RORA: variants seen among roughly 807,000 people sequenced by gnomAD.
RORA encodes RAR related orphan receptor A, also known as nuclear receptor ROR-alpha.
In RORA, 7 loss-of-function variants were observed where a neutral mutation model predicts 69.5. The ratio of observed to expected loss-of-function variants is 0.10; its 90% confidence interval spans 0.06 to 0.19. The LOEUF is 0.19. Among genes scored for constraint, RORA ranks in the 10% least tolerant of loss-of-function variants. The probability of loss-of-function intolerance (pLI) is 1.00; values close to 1 mark genes in which losing one functional copy is unlikely to be tolerated. For missense variants in RORA, 457 were observed against 663.0 expected (o/e 0.69, Z 3.41); for synonymous variants, 261 against 240.8 (o/e 1.08, Z -0.78).
chr15:60,869,581 A>C (rs1196914129), intron 1 of RORA, among the ~76,000 whole-genome samples: 1 of 152,172 alleles, frequency 6.6e-6, no homozygotes, highest in Non-Finnish European at 1.5e-5. Flanking sequence ...GGCAGGTCTG[A>C]TGGCACACAA....
At chr15:60,514,460 T>C (rs1447557003) in intron 4 of RORA, among the ~76,000 whole-genome samples, 156 bp downstream of exon 4, 3 of 151,948 alleles carry the variant, frequency 2.0e-5, no homozygotes, top group Non-Finnish European at 4.4e-5. Flanking sequence ...CTGCTGTGAG[T>C]TCCATGTAGC....
At chr15:61,149,658 GCCAGGAGCT>G (rs1224120830) in intron 1 of RORA, among the ~76,000 whole-genome samples, 1 of 152,142 alleles carries the variant, frequency 6.6e-6, no homozygotes, top group African/African-American at 2.4e-5. Context: ...ATGAACTCCA[GCCAGGAGCT>G]CCAGGTAGCC....
At chr15:60,708,516 GC>G (rs1366068956) in intron 1 of RORA, among the ~76,000 whole-genome samples, 3 of 152,082 alleles carry the variant, frequency 2.0e-5, no homozygotes, top group Non-Finnish European at 4.4e-5. Flanking sequence ...GTCATTTTAT[GC>G]CTGTATGTGT....
intron 1 of RORA, among the ~76,000 whole-genome samples, chr15:61,217,358 A>C (rs2080049756): frequency 6.6e-6 from 1 of 152,172 alleles, no homozygotes; most frequent in African/African-American, 2.4e-5. Flanking sequence ...CTGCTGTAAC[A>C]AACAGGAGTC....
intron 1 of RORA, among the ~76,000 whole-genome samples, chr15:61,048,135 T>G (rs887647203): frequency 1.3e-5 from 2 of 152,236 alleles, no homozygotes; most frequent in Non-Finnish European, 2.9e-5. Flanking sequence ...TCACTATCCT[T>G]CATACTTCTT....
intron 1 of RORA, among the ~76,000 whole-genome samples, chr15:60,928,176 G>A (rs1892271816): frequency 6.6e-6 from 1 of 152,096 alleles, no homozygotes; most frequent in South Asian, 2.1e-4. Flanking sequence ...ATAGACTCCA[G>A]GACAAAATTC....
At chr15:60,958,271 G>A (rs571477114) in intron 1 of RORA, among the ~76,000 whole-genome samples, 70 of 152,270 alleles carry the variant, frequency 4.6e-4, no homozygotes, top group African/African-American at 1.4e-3. Flanking sequence ...GAGCCTTTGC[G>A]TGCATGGAGC....
Position 60,531,451 on chromosome 15 carries a change from G to GCTCTTTTTTA in RORA, c.282+314_282+315insTAAAAAAGAG. 1 of 256,520 alleles carries GCTCTTTTTTA rather than the reference G, an allele frequency of 3.9e-6. No homozygotes were observed. Among genetic ancestry groups the GCTCTTTTTTA allele is most frequent in the Non-Finnish European group, 7.2e-6 (1 of 138,176 alleles). The allele number at this position is 256,520 out of a possible 1,614,324, so 15.9% of individuals were successfully genotyped here. A position where few individuals can be genotyped will look rare whatever the true frequency, so the allele number is the denominator to read the frequency against. On this transcript the variant is annotated intron_variant, in intron 3 of 10. Coordinates refer to ENST00000335670, the MANE Select transcript of RORA (RefSeq NM_134261.3). This position sits in a 1 kb window ranked among gnomAD's most constrained non-coding sequence, Gnocchi z 4.8. ...ATAAGCTTATGACAGGGACATTGTAGAAGTCTGGAGTTAGCTCTTTTTTAA... is the reference window on the plus strand; with the variant it reads ...ATAAGCTTATGACAGGGACATTGTAGCTCTTTTTTAAAGTCTGGAGTTAGCTCTTTTTTAA...
In RORA at chr15:60,493,949, TCACACACACA is replaced by T. The variant is rs71122860; in HGVS notation, c.*3496_*3505del. 4.0e-3 allele frequency: 572 copies of T among 144,058 alleles called. 1 individual carries two copies. The highest frequency in any genetic ancestry group is 5.3e-3 in the Admixed American group (77 of 14,424). The allele number at this position is 144,058 out of a possible 1,614,324, so 8.9% of individuals were successfully genotyped here. A position where few individuals can be genotyped will look rare whatever the true frequency, so the allele number is the denominator to read the frequency against. On this transcript the variant is annotated 3_prime_UTR_variant, in exon 11 of 11. Transcript: ENST00000335670. The stretch of plus-strand genomic sequence containing the variant: ...CGCACACACATCATACACATGCAAA[TCACACACACA>T]CACACACACACACACACACACACAC...
At chr15:60,830,884 C>A (rs111545591) in intron 1 of RORA, among the ~76,000 whole-genome samples, 13 of 152,288 alleles carry the variant, frequency 8.5e-5, no homozygotes, top group South Asian at 8.3e-4. Context: ...TTTAATGGAA[C>A]AGAAATATTT....
At chr15:61,070,822 T>C (rs1012785520) in intron 1 of RORA, among the ~76,000 whole-genome samples, 2 of 152,202 alleles carry the variant, frequency 1.3e-5, no homozygotes, top group African/African-American at 2.4e-5. Context: ...TACTACATTA[T>C]GCTTGACACA....
chr15:60,581,217 C>T (rs1466600153), intron 2 of RORA, among the ~76,000 whole-genome samples: 3 of 152,202 alleles, frequency 2.0e-5, no homozygotes, highest in South Asian at 2.1e-4. Context: ...AACTTCCAGG[C>T]CACTTCAAAA....
chr15:60,638,651 T>G (rs929328064), intron 2 of RORA, among the ~76,000 whole-genome samples: 12 of 152,160 alleles, frequency 7.9e-5, no homozygotes, highest in Non-Finnish European at 1.3e-4. Flanking sequence ...CAAAATGAGG[T>G]TGGGGACTGG....
chr15:60,793,892 C>A (rs763503371), intron 1 of RORA, among the ~76,000 whole-genome samples: 1 of 152,208 alleles, frequency 6.6e-6, no homozygotes, highest in Non-Finnish European at 1.5e-5. Context: ...GGCTTTCTCT[C>A]CCGCCTCAGT....
intron 1 of RORA, among the ~76,000 whole-genome samples, chr15:61,220,214 C>G (rs1371704727): frequency 6.6e-6 from 1 of 152,186 alleles, no homozygotes; most frequent in African/African-American, 2.4e-5. Flanking sequence ...ATTTCATTTG[C>G]CTTTGCTTTC....
At chr15:60,668,834 A>C (rs902391340) in intron 2 of RORA, among the ~76,000 whole-genome samples, 1 of 152,252 alleles carries the variant, frequency 6.6e-6, no homozygotes, top group Admixed American at 6.5e-5. Flanking sequence ...GTAAAACGAC[A>C]GAAACATATT....
chr15:61,112,084 G>A (rs963514308), intron 1 of RORA, among the ~76,000 whole-genome samples: 9 of 152,270 alleles, frequency 5.9e-5, no homozygotes, highest in Non-Finnish European at 7.3e-5. Context: ...TGTGCTCCAC[G>A]AACTGCTGCC....
chr15:60,993,312 T>C (rs954456195), intron 1 of RORA, among the ~76,000 whole-genome samples: 3 of 152,134 alleles, frequency 2.0e-5, no homozygotes, highest in Non-Finnish European at 4.4e-5. Context: ...CCCCCTTTTA[T>C]AGACTGGCTA....
chr15:60,665,863 C>G (rs922814618), intron 2 of RORA, among the ~76,000 whole-genome samples: 1 of 152,152 alleles, frequency 6.6e-6, no homozygotes, highest in Non-Finnish European at 1.5e-5. Context: ...TTAGTAAAGA[C>G]GGGGTTTCCC....
Sources: gnomAD v4.1 joint callset for allele counts (sites outside exome capture counted in the v4.1 genomes callset) on GRCh38, gnomAD v4.1.1 for gene constraint, Gnocchi (gnomAD v3.1) non-coding constraint, MANE v1.5 for transcripts, NCBI Gene and HGNC (gene_info 2026-07-23, HGNC 2026-07-21) for gene names.